The following PKN2 variants were observed in gnomAD, a reference collection of about 807,000 sequenced individuals.
PKN2 encodes protein kinase N2, also known as serine/threonine-protein kinase N2.
Under a neutral mutation model 119.1 loss-of-function variants are expected in PKN2, and 38 were observed. The observed-to-expected ratio is 0.32, with a 90% CI of 0.25 to 0.42. PKN2 has a LOEUF of 0.42. Among genes scored for constraint, PKN2 ranks in the 10% least tolerant of loss-of-function variants. The probability of loss-of-function intolerance (pLI) is 1.00; values close to 1 mark genes in which losing one functional copy is unlikely to be tolerated. For missense variants in PKN2, 850 were observed against 1,165.1 expected (o/e 0.73, Z 3.94); for synonymous variants, 390 against 384.9 (o/e 1.01, Z -0.15).
intron 1 of PKN2, among the ~76,000 whole-genome samples, chr1:88,715,167 C>T (rs1198722949): frequency 6.6e-6 from 1 of 151,924 alleles, no homozygotes; most frequent in Admixed American, 6.6e-5. Flanking sequence ...CTGCTCAGTT[C>T]GGTTTGCCAG....
At chr1:88,778,280 T>C (rs754885538) in intron 6 of PKN2, among the ~76,000 whole-genome samples, 3 of 152,244 alleles carry the variant, frequency 2.0e-5, no homozygotes, top group Non-Finnish European at 4.4e-5. Context: ...TCAGATACTT[T>C]TTGGTTTACT....
intron 15 of PKN2, among the ~76,000 whole-genome samples, chr1:88,808,546 C>T (rs140949711): frequency 0.028 from 4,224 of 152,078 alleles, 193 homozygotes; most frequent in African/African-American, 0.095. Context: ...CCTCATGATC[C>T]GCCAGCCTTG....
chr1:88,716,481 AT>A (rs1425057569), intron 1 of PKN2, among the ~76,000 whole-genome samples: 13 of 152,184 alleles, frequency 8.5e-5, no homozygotes, highest in African/African-American at 2.7e-4. Flanking sequence ...GTGCTCCTGT[AT>A]TGGGTGCATA....
intron 16 of PKN2, 36 bp from the exon 17 acceptor site, chr1:88,821,905 T>C: frequency 1.3e-6 from 2 of 1,493,478 alleles, no homozygotes; most frequent in Non-Finnish European, 1.8e-6. Flanking sequence ...AGCAATAAAA[T>C]TTATTAAACT....
intron 1 of PKN2, among the ~76,000 whole-genome samples, chr1:88,702,967 A>G (rs6696151): frequency 0.086 from 13,127 of 152,192 alleles, 1,276 homozygotes; most frequent in African/African-American, 0.24. Context: ...ATGAATTAAA[A>G]TATACTAAAG....
chr1:88,752,743 G>A lies in PKN2; in HGVS notation c.350-7479G>A, dbSNP rs1669051687. ...AGGTTGTGGGTTGAGGTTAGTGATTGTGTGGAATACCTTTCTTCCATTTCC... is the reference window on the plus strand; with the variant it reads ...AGGTTGTGGGTTGAGGTTAGTGATTATGTGGAATACCTTTCTTCCATTTCC... On this transcript the variant is annotated intron_variant, in intron 2 of 21. Transcript: ENST00000370521. 2.6e-5 allele frequency among the ~76,000 whole-genome samples: 4 copies of A among 152,180 alleles called. No individual in the cohort carries two copies. In the South Asian group the frequency reaches 8.3e-4, roughly 32 times the overall value.
chr1:88,727,314 T>G (rs1249756121), intron 1 of PKN2, among the ~76,000 whole-genome samples: 3 of 152,000 alleles, frequency 2.0e-5, no homozygotes, highest in African/African-American at 7.3e-5. Flanking sequence ...TGAAACAGCA[T>G]TCCTTTAGGT....
chr1:88,717,373 A>G (rs1667496871), intron 1 of PKN2, among the ~76,000 whole-genome samples: 1 of 152,126 alleles, frequency 6.6e-6, no homozygotes, highest in African/African-American at 2.4e-5. Flanking sequence ...TCTCCTGGAT[A>G]ATATCCTGCA....
chr1:88,804,331 C>T, intron 8 of PKN2, 60 bp from the exon 9 acceptor site: 1 of 1,253,460 alleles, frequency 8.0e-7, no homozygotes, highest in Non-Finnish European at 1.1e-6. Context: ...ATATTTTATT[C>T]AAGTGTGTGT....
Position 88,696,384 on chromosome 1 carries a change from G to T in PKN2, c.48+11756G>T, listed in dbSNP as rs13374053. On this transcript the variant is annotated intron_variant, in intron 1 of 21. Coordinates refer to ENST00000370521, the MANE Select transcript of PKN2 (RefSeq NM_006256.4). ...GCCAGATCCCATGAGTACTAAACAG[G>T]AAACTGGATGTTTTCTTTCTAGGGC... Among the ~76,000 whole-genome samples, 1,499 of 152,252 alleles carry T rather than the reference G, an allele frequency of 9.8e-3. 20 individuals are homozygous for T. The highest frequency in any genetic ancestry group is 0.035 in the African/African-American group (1,451 of 41,540).
intron 1 of PKN2, among the ~76,000 whole-genome samples, chr1:88,713,854 A>G (rs1667338679): frequency 6.6e-6 from 1 of 152,160 alleles, no homozygotes; most frequent in Non-Finnish European, 1.5e-5. Context: ...GTCCTTGCCC[A>G]TGCCTATGTC....
At chr1:88,820,237 TAGAA>T (rs1672217098) in intron 16 of PKN2, among the ~76,000 whole-genome samples, 4 of 97,494 alleles carry the variant, frequency 4.1e-5, no homozygotes, top group African/African-American at 1.2e-4. Context: ...TATATATAAA[TAGAA>T]AAAAATAAAA....
At chr1:88,782,737 G>A (rs57572913) in intron 6 of PKN2, among the ~76,000 whole-genome samples, 61 of 151,818 alleles carry the variant, frequency 4.0e-4, no homozygotes, top group Non-Finnish European at 7.8e-4. Flanking sequence ...CTGTTTTGAT[G>A]TCCTTGCCTT....
Position 88,684,465 on chromosome 1 carries a change from T to C in PKN2, c.-116T>C. The C allele has an allele frequency of 1.2e-6, 1 of 864,626 alleles. No individual in the cohort carries two copies. 53.6% of individuals were successfully genotyped at this position (864,626 alleles called of 1,614,324 possible). A position where few individuals can be genotyped will look rare whatever the true frequency, so the allele number is the denominator to read the frequency against. The stretch of plus-strand genomic sequence containing the variant: ...GGGCTGCGCCTCCATGAATCCCTAG[T>C]TGTTTTTTTTTTTTTCTTTCTCTCC... On this transcript the variant is annotated 5_prime_UTR_variant, in exon 1 of 22. Coordinates refer to ENST00000370521, the MANE Select transcript of PKN2 (RefSeq NM_006256.4).
At chr1:88,810,101 T>A (rs980648693) in intron 15 of PKN2, among the ~76,000 whole-genome samples, 53 of 151,762 alleles carry the variant, frequency 3.5e-4, no homozygotes, top group African/African-American at 1.2e-3. Context: ...AAGAAAAAAA[T>A]TTATAAGTTT....
intron 18 of PKN2, among the ~76,000 whole-genome samples, chr1:88,825,609 T>A (rs1026279854): frequency 6.6e-6 from 1 of 152,222 alleles, no homozygotes; most frequent in Non-Finnish European, 1.5e-5. Flanking sequence ...TGAATATTTC[T>A]GAAATCTATC....
intron 16 of PKN2, among the ~76,000 whole-genome samples, chr1:88,821,453 A>G (rs1672286623): frequency 6.6e-6 from 1 of 152,180 alleles, no homozygotes; most frequent in Non-Finnish European, 1.5e-5. Context: ...CCATAATATG[A>G]CATTCAAGGT....
In PKN2 at chr1:88,813,703, A is replaced by G. The variant is rs1671870833; in HGVS notation, c.2249A>G (p.His750Arg). 6.3e-7 allele frequency: 1 copy of G among 1,599,348 alleles called. No individual in the cohort carries two copies. Among genetic ancestry groups the G allele is most frequent in the Non-Finnish European group, 8.5e-7 (1 of 1,175,286 alleles). Residue 750 changes from histidine to arginine, a missense_variant, in exon 16 of 22, where the codon CAT (histidine) becomes CGT (arginine). By Grantham distance (29) the His-to-Arg change is conservative. Coordinates refer to ENST00000370521, the MANE Select transcript of PKN2 (RefSeq NM_006256.4). ...AAGGDLMMHI[H>R]TDVFSEPRAV... ...GGTGGGGACCTAATGATGCACATTC[A>G]TACTGATGTCTTTTCTGAACCAAGA...
intron 6 of PKN2, among the ~76,000 whole-genome samples, chr1:88,776,408 G>T (rs753479777): frequency 2.6e-5 from 4 of 150,976 alleles, no homozygotes; most frequent in African/African-American, 9.8e-5. Context: ...TATATATATA[G>T]AATTCTTGGC....
Sources: allele counts gnomAD v4.1 joint callset (sites outside exome capture counted in the v4.1 genomes callset), GRCh38; gene constraint gnomAD v4.1.1; transcripts MANE v1.5; gene names NCBI Gene and HGNC (gene_info 2026-07-23, HGNC 2026-07-21).